Variants in AGBL1 observed in about 807,000 individuals in gnomAD.
The protein encoded by AGBL1 is cytosolic carboxypeptidase 4.
Under a neutral mutation model 118.9 loss-of-function variants are expected in AGBL1, and 130 were observed. The observed-to-expected ratio is 1.09, with a 90% CI of 0.95 to 1.26. The LOEUF is 1.26. Among genes scored for constraint, AGBL1 ranks in the 50% most tolerant of loss-of-function variants. The pLI is 0.00. For missense variants in AGBL1, 1,584 were observed against 1,298.1 expected, an observed-to-expected ratio of 1.22 and a Z score of -3.38; for synonymous variants, 555 against 478.9, an observed-to-expected ratio of 1.16 and a Z score of -2.08.
At chr15:86,268,318 T>C (rs2079105217) in intron 13 of AGBL1, among the ~76,000 whole-genome samples, 1 of 151,942 alleles carries the variant, frequency 6.6e-6, no homozygotes, top group Non-Finnish European at 1.5e-5. Context: ...GTCAAGACTC[T>C]TTCTCAGCCC....
chr15:86,871,075 G>A (rs2079721450), intron 22 of AGBL1, among the ~76,000 whole-genome samples: 1 of 152,180 alleles, frequency 6.6e-6, no homozygotes, highest in Admixed American at 6.5e-5. Flanking sequence ...AACATTCCAT[G>A]AAATTAGACA....
intron 18 of AGBL1, among the ~76,000 whole-genome samples, chr15:86,475,505 G>A (rs1171494600): frequency 6.6e-6 from 1 of 152,120 alleles, no homozygotes. Flanking sequence ...GAAAAGAAGT[G>A]AGAAGAGAAG....
At chr15:86,743,067 T>C (rs2141239381) in intron 22 of AGBL1, among the ~76,000 whole-genome samples, 1 of 152,254 alleles carries the variant, frequency 6.6e-6, no homozygotes, top group African/African-American at 2.4e-5. Flanking sequence ...ATGGATGCAT[T>C]TTGAAGACTC....
intron 21 of AGBL1, among the ~76,000 whole-genome samples, chr15:86,625,320 T>C (rs2084866554): frequency 6.6e-6 from 1 of 151,476 alleles, no homozygotes; most frequent in South Asian, 2.1e-4. Context: ...TCAATTACTT[T>C]CTCTTTTTTT....
intron 21 of AGBL1, among the ~76,000 whole-genome samples, chr15:86,581,381 C>T (rs1276039053): frequency 6.6e-6 from 1 of 152,106 alleles, no homozygotes; most frequent in African/African-American, 2.4e-5. Context: ...TGGCTAATGA[C>T]AAGATCTGGT....
At chr15:86,242,176 C>G (rs1433229498) in intron 6 of AGBL1, among the ~76,000 whole-genome samples, 1 of 152,132 alleles carries the variant, frequency 6.6e-6, no homozygotes, top group African/African-American at 2.4e-5. Context: ...AATTAAACCT[C>G]TTTCCTTTAT....
rs573901012 is a variant in AGBL1, at chr15:86,563,394, G to A, written c.2994+8857G>A. Among the ~76,000 whole-genome samples the A allele has an allele frequency of 4.3e-3, 654 of 152,182 alleles. 8 individuals carry two copies. Among genetic ancestry groups the A allele is most frequent in the African/African-American group, 0.015 (609 of 41,498 alleles). On this transcript the variant is annotated intron_variant, in intron 21 of 22. Coordinates refer to ENST00000614907, the MANE Select transcript of AGBL1 (RefSeq NM_001386094.1). ...ACATCTTTATTTCTGCCTTCATTTC[G>A]TTATGTACCCAGTAGTCATTCAGGA... is the stretch of plus-strand genomic sequence containing the variant.
intron 17 of AGBL1, among the ~76,000 whole-genome samples, chr15:86,301,473 A>G (rs2079743960): frequency 6.6e-6 from 1 of 151,984 alleles, no homozygotes; most frequent in South Asian, 2.1e-4. Flanking sequence ...CAAGAGCATA[A>G]TGAGTTCTCT....
intron 21 of AGBL1, among the ~76,000 whole-genome samples, chr15:86,562,084 A>G (rs1220051656): frequency 6.6e-6 from 1 of 152,218 alleles, no homozygotes; most frequent in African/African-American, 2.4e-5. Flanking sequence ...TAAATATACA[A>G]TTATGTCATC....
chr15:86,282,974 TATA>T (rs998450708), intron 16 of AGBL1, among the ~76,000 whole-genome samples: 1 of 152,212 alleles, frequency 6.6e-6, no homozygotes, highest in Admixed American at 6.5e-5. Context: ...TTTATTCTCT[TATA>T]ATAAGGAAAT....
chr15:86,191,551 A>T (rs190262489), intron 5 of AGBL1, among the ~76,000 whole-genome samples: 1 of 152,130 alleles, frequency 6.6e-6, no homozygotes, highest in African/African-American at 2.4e-5. Context: ...AATAATTTAT[A>T]AGAAGCCAGG....
Position 86,336,631 on chromosome 15 carries a change from T to A in AGBL1, c.2374+41223T>A, listed in dbSNP as rs530624985. On this transcript the variant is annotated intron_variant, in intron 17 of 22. Coordinates refer to ENST00000614907, the MANE Select transcript of AGBL1 (RefSeq NM_001386094.1). ...GTTTCATCAGTGTAGAGTTGCTGGA[T>A]TGGCTGGACACTTTCCAGCTCTGAT... Among the ~76,000 whole-genome samples the A allele has an allele frequency of 8.0e-4, 122 of 152,290 alleles. 2 individuals are homozygous for A. In the South Asian group the frequency reaches 0.023, roughly 29 times the overall value.
At chr15:86,580,241 T>G (rs1000078407) in intron 21 of AGBL1, among the ~76,000 whole-genome samples, 2 of 152,228 alleles carry the variant, frequency 1.3e-5, no homozygotes, top group African/African-American at 4.8e-5. Context: ...CTTATTCTTC[T>G]GTGCACTCCA....
chr15:86,557,623 G>A (rs562301269), intron 21 of AGBL1, among the ~76,000 whole-genome samples: 5 of 152,226 alleles, frequency 3.3e-5, no homozygotes, highest in African/African-American at 1.2e-4. Flanking sequence ...CACCCACAAG[G>A]GCTCCTTTAA....
At chr15:86,485,080 C>A (rs903330177) in intron 18 of AGBL1, among the ~76,000 whole-genome samples, 2 of 152,146 alleles carry the variant, frequency 1.3e-5, no homozygotes, top group Non-Finnish European at 2.9e-5. Flanking sequence ...AAAGCAGCAT[C>A]TCAATCCCTG....
intron 5 of AGBL1, among the ~76,000 whole-genome samples, chr15:86,212,480 A>G (rs2078115056): frequency 6.6e-6 from 1 of 152,208 alleles, no homozygotes; most frequent in African/African-American, 2.4e-5. Flanking sequence ...AAGGCTTTCT[A>G]AAGAATGAGA....
At chr15:86,924,708 G>T (rs560388417) in intron 23 of AGBL1, among the ~76,000 whole-genome samples, 8 of 152,014 alleles carry the variant, frequency 5.3e-5, no homozygotes, top group Non-Finnish European at 1.5e-5. Context: ...TTTTGGCAGC[G>T]GATAGTTTCC....
chr15:86,600,078 A>G (rs2084470432), intron 21 of AGBL1, among the ~76,000 whole-genome samples: 1 of 152,128 alleles, frequency 6.6e-6, no homozygotes, highest in South Asian at 2.1e-4. Context: ...GAATAGTAAA[A>G]AGTAATTGCT....
intron 23 of AGBL1, among the ~76,000 whole-genome samples, chr15:86,948,096 C>T (rs900042926): frequency 2.0e-5 from 3 of 151,962 alleles, no homozygotes; most frequent in African/African-American, 7.3e-5. Context: ...ATGACAGAAG[C>T]AAAAATAGAA....
Sources: gnomAD v4.1 joint callset for allele counts (sites outside exome capture counted in the v4.1 genomes callset) on GRCh38, gnomAD v4.1.1 for gene constraint, MANE v1.5 for transcripts, NCBI Gene and HGNC (gene_info 2026-07-23, HGNC 2026-07-21) for gene names.